Variants in CD200 observed in about 807,000 individuals in gnomAD.
The protein encoded by CD200 is OX-2 membrane glycoprotein.
CD200 carries 15 observed loss-of-function variants against 30.9 expected under a neutral mutation model. The ratio of observed to expected loss-of-function variants is 0.49; its 90% CI spans 0.32 to 0.75. The LOEUF is 0.75. CD200 is among the 30% of genes least tolerant of loss of function. The pLI is 0.03. For missense variants in CD200, 262 were observed against 324.2 expected (o/e 0.81, Z 1.47); for synonymous variants, 134 against 126.2 (o/e 1.06, Z -0.41).
chr3:112,347,735 A>C lies in CD200; in HGVS notation c.599A>C (p.His200Pro), dbSNP rs762823910. The C allele has an allele frequency of 6.2e-7, 1 of 1,613,940 alleles. No individual in the cohort carries two copies. Among genetic ancestry groups the C allele is most frequent in the South Asian group, 1.1e-5 (1 of 91,074 alleles). ...ACCACGTCTGTTACCAGCATCCTCC[A>C]TATCAAAGACCCTAAGAATCAGGTG... Reference protein sequence around the residue: ...NGTTSVTSILHIKDPKNQVGK... With the variant: ...NGTTSVTSILPIKDPKNQVGK... The change falls in exon 4 of 6, where the codon CAT becomes CCT. Residue 200 changes from histidine to proline, a missense_variant. By Grantham distance (77) the His-to-Pro change is moderately conservative. Coordinates refer to ENST00000315711, the MANE Select transcript of CD200 (RefSeq NM_005944.7).
chr3:112,337,205 G>A (rs1161099121), intron 1 of CD200, among the ~76,000 whole-genome samples: 6 of 152,268 alleles, frequency 3.9e-5, no homozygotes, highest in Admixed American at 3.9e-4. Context: ...GCAGACAAAG[G>A]GAGATGGGAC....
chr3:112,340,914 C>A lies in CD200; in HGVS notation c.25C>A (p.Pro9Thr), dbSNP rs2081224046. 6.2e-7 allele frequency: 1 copy of A among 1,604,148 alleles called. No individual in the cohort carries two copies. Among genetic ancestry groups the A allele is most frequent in the Non-Finnish European group, 8.5e-7 (1 of 1,171,378 alleles). Residue 9 changes from proline (P) to threonine (T), a missense_variant, in exon 2 of 6, where the codon CCC (proline) becomes ACC (threonine). Coordinates refer to ENST00000315711, the MANE Select transcript of CD200 (RefSeq NM_005944.7). Reference sequence around the variant, plus strand: ...TTTCTGTCTTCAGGTGATCAGGATGCCCTTCTCTCATCTGTCTACCTACAG... The same window carrying A: ...TTTCTGTCTTCAGGTGATCAGGATGACCTTCTCTCATCTGTCTACCTACAG... MERLVIRM[P>T]FSHLSTYSLV...
At chr3:112,336,092 TA>T in intron 1 of CD200, 1 of 970,164 alleles carries the variant, frequency 1.0e-6, no homozygotes, top group Non-Finnish European at 1.7e-6. Context: ...AAGCTTATTA[TA>T]TAAGATTAAT....
At position 112,345,284 on chromosome 3, in the gene CD200, C is replaced by T. The variant is rs777667143; in HGVS notation, c.417C>T (p.Val139=). 7 of 1,605,282 alleles carry T rather than the reference C, an allele frequency of 4.4e-6. No individual in the cohort carries two copies. In the East Asian group the frequency reaches 1.1e-4, roughly 26 times the overall value. The change falls in exon 3 of 6, where the codon GTC becomes GTT. Residue 139 remains valine, a synonymous_variant. Transcript: ENST00000315711. ...TCTCAGGAACGGCCTGCCTCACCGT[C>T]TATGGTGAGAATCTCTGAGAATCAT... ...GKISGTACLT[V]YVQPIVSLHY...
chr3:112,333,806 A>T (rs1028637598), intron 1 of CD200: 1 of 985,304 alleles, frequency 1.0e-6, no homozygotes, highest in Admixed American at 6.1e-5. Context: ...GCTACACTTG[A>T]GAGAGCTGAA....
chr3:112,354,671 C>T (rs1281014861), intron 5 of CD200, among the ~76,000 whole-genome samples: 1 of 152,188 alleles, frequency 6.6e-6, no homozygotes, highest in Non-Finnish European at 1.5e-5. Flanking sequence ...TGCTTCTTTA[C>T]CAAATTATCA....
chr3:112,348,028 A>C (rs2081441576), intron 4 of CD200, among the ~76,000 whole-genome samples, 198 bp downstream of exon 4: 1 of 152,250 alleles, frequency 6.6e-6, no homozygotes, highest in Non-Finnish European at 1.5e-5. Flanking sequence ...AATGTGGTTC[A>C]TTGCCCACAC....
At chr3:112,333,568 G>T (rs554614567) in intron 1 of CD200, 2 of 985,404 alleles carry the variant, frequency 2.0e-6, no homozygotes, top group African/African-American at 3.5e-5. Context: ...CGGCTCACTG[G>T]CTCCAGCTCC....
Position 112,361,882 on chromosome 3 carries a change from G to C in CD200, c.*332G>C, listed in dbSNP as rs574423454. The C allele has an allele frequency of 2.4e-4, 83 of 347,976 alleles. 1 individual carries two copies. In the East Asian group the frequency reaches 4.1e-3, roughly 17 times the overall value. The allele number at this position is 347,976 out of a possible 1,614,324, so 21.6% of individuals were successfully genotyped here. Reference sequence around the variant, plus strand: ...TGGGCTCCTACTGGTGGGGACCTCTGTTAGTCACTTTACCTCATCCAAAGT... The same window carrying C: ...TGGGCTCCTACTGGTGGGGACCTCTCTTAGTCACTTTACCTCATCCAAAGT... On this transcript the variant is annotated 3_prime_UTR_variant, in exon 6 of 6. Coordinates refer to ENST00000315711, the MANE Select transcript of CD200 (RefSeq NM_005944.7).
At position 112,343,766 on chromosome 3, in the gene CD200, T is replaced by C. The variant is rs533624815; in HGVS notation, c.95-1196T>C. ...ATGTTGTTAGGTGCATAAAGGTTTATGATTACTATAATAGATCTGATTTTA... is the reference window on the plus strand; with the variant it reads ...ATGTTGTTAGGTGCATAAAGGTTTACGATTACTATAATAGATCTGATTTTA... On this transcript the variant is annotated intron_variant, in intron 2 of 5. Coordinates refer to ENST00000315711, the MANE Select transcript of CD200 (RefSeq NM_005944.7). 3.3e-5 allele frequency among the ~76,000 whole-genome samples: 5 copies of C among 152,340 alleles called. No individual in the cohort carries two copies. The South Asian group carries it at 8.3e-4, about 25-fold the overall frequency.
chr3:112,333,432 A>G, intron 1 of CD200: 1 of 985,372 alleles, frequency 1.0e-6, no homozygotes, highest in South Asian at 4.7e-5. Flanking sequence ...AGGGTGGTTT[A>G]CAGGCAGCTG....
chr3:112,361,555 G>T lies in CD200; in HGVS notation c.*5G>T. ...TTCTTTTATCCAGAGCCCTAAATAA[G>T]TCACACAGCACCCTGAAAGTGATTC... On this transcript the variant is annotated 3_prime_UTR_variant, in exon 6 of 6. Transcript: ENST00000315711. 4 of 1,609,442 alleles carry T rather than the reference G, an allele frequency of 2.5e-6. No individual in the cohort carries two copies. Among genetic ancestry groups the T allele is most frequent in the Non-Finnish European group, 3.4e-6 (4 of 1,175,774 alleles).
Position 112,347,029 on chromosome 3 carries a change from G to A in CD200, c.422-529G>A, listed in dbSNP as rs549920651. ...GGGATTTTCCAGCTCTCCTCCATGC[G>A]TCTAATTCACTGGTCCAGCTCCAAG... On this transcript the variant is annotated intron_variant, in intron 3 of 5. Coordinates refer to ENST00000315711, the MANE Select transcript of CD200 (RefSeq NM_005944.7). Among the ~76,000 whole-genome samples, 17 of 152,218 alleles carry A rather than the reference G, an allele frequency of 1.1e-4. No homozygotes were observed. In the East Asian group the frequency reaches 3.1e-3, roughly 28 times the overall value.
intron 5 of CD200, among the ~76,000 whole-genome samples, chr3:112,356,093 TA>T (rs1487461870): frequency 6.6e-6 from 1 of 152,190 alleles, no homozygotes; most frequent in African/African-American, 2.4e-5. Flanking sequence ...GAGAGGCTAT[TA>T]AAAGAGAGCC....
intron 5 of CD200, among the ~76,000 whole-genome samples, chr3:112,352,774 C>G (rs1003029139): frequency 6.6e-6 from 1 of 152,202 alleles, no homozygotes; most frequent in Non-Finnish European, 1.5e-5. Context: ...AATCACTACT[C>G]ATTGCTCACA....
chr3:112,351,974 G>T (rs1010714546), intron 5 of CD200, among the ~76,000 whole-genome samples: 3 of 152,086 alleles, frequency 2.0e-5, no homozygotes, highest in South Asian at 2.1e-4. Flanking sequence ...CACACCAAGG[G>T]CATTAATCAA....
chr3:112,347,393 C>T (rs996424234), intron 3 of CD200, 165 bp from the exon 4 acceptor site: 2 of 196,484 alleles, frequency 1.0e-5, no homozygotes, highest in African/African-American at 4.7e-5. Context: ...GAAAATTAGA[C>T]ACAAGAGGAA....
chr3:112,361,503 C>T, intron 5 of CD200, 40 bp from the exon 6 acceptor site: 1 of 1,504,756 alleles, frequency 6.6e-7, no homozygotes, highest in Non-Finnish European at 9.3e-7. Flanking sequence ...ATAGAATTTA[C>T]AAGTGTCCAA....
chr3:112,340,864 C>A, intron 1 of CD200, 38 bp from the exon 2 acceptor site: 2 of 1,274,218 alleles, frequency 1.6e-6, no homozygotes, highest in Non-Finnish European at 2.3e-6. Context: ...TTGTCCAAAT[C>A]CAAACCCCCA....
Sources: allele counts gnomAD v4.1 joint callset (sites outside exome capture counted in the v4.1 genomes callset), GRCh38; gene constraint gnomAD v4.1.1; transcripts MANE v1.5; gene names NCBI Gene and HGNC (gene_info 2026-07-23, HGNC 2026-07-21).